Variants in FAF2 observed in about 807,000 individuals in gnomAD.
The protein encoded by FAF2 is Fas associated factor family member 2, also known as FAS-associated factor 2.
FAF2 carries 9 observed loss-of-function variants against 62.3 expected under a neutral mutation model. The ratio of observed to expected loss-of-function variants is 0.14; its 90% CI spans 0.09 to 0.25. The LOEUF (loss-of-function observed/expected upper bound fraction) is 0.25. Ranked by LOEUF, FAF2 falls within the 10% of genes least tolerant of loss-of-function variation. The pLI is 1.00. For missense variants in FAF2, 368 were observed against 556.2 expected (o/e 0.66, Z 3.40); for synonymous variants, 202 against 198.0 (o/e 1.02, Z -0.17).
intron 1 of FAF2, 76 bp downstream of exon 1, chr5:176,448,546 C>T (rs1435602431): frequency 4.3e-6 from 6 of 1,406,520 alleles, no homozygotes; most frequent in East Asian, 5.0e-5. Flanking sequence ...CAGAACCCTC[C>T]TCAGATTGGG....
chr5:176,496,475 CT>C lies in FAF2; in HGVS notation c.662-6del, dbSNP rs1755487708. The C allele has an allele frequency of 1.3e-6, 2 of 1,558,280 alleles. No individual in the cohort carries two copies. The highest frequency in any genetic ancestry group is 1.4e-5 in the African/African-American group (1 of 72,508). ...AAGTCCTGCCCTTGATCTGTTGGGTCTTTTTATCAGTCTCACAGGCTTTACG... is the reference window on the plus strand; with the variant it reads ...AAGTCCTGCCCTTGATCTGTTGGGTCTTTTATCAGTCTCACAGGCTTTACG... On this transcript the variant is annotated splice_polypyrimidine_tract_variant and intron_variant, in intron 7 of 10. Coordinates refer to ENST00000261942, the MANE Select transcript of FAF2 (RefSeq NM_014613.3).
chr5:176,451,884 ATATATATATTTTTTT>A (rs1758189418), intron 1 of FAF2, among the ~76,000 whole-genome samples: 9 of 28,334 alleles, frequency 3.2e-4, no homozygotes, highest in South Asian at 1.3e-3. Flanking sequence ...ACATATATAT[ATATATATATTTTTTT>A]TTTTTTTTTT....
At chr5:176,457,910 C>A (rs889861727) in intron 1 of FAF2, among the ~76,000 whole-genome samples, 7 of 152,162 alleles carry the variant, frequency 4.6e-5, no homozygotes, top group Admixed American at 1.3e-4. Context: ...AAGTCACAGT[C>A]CTTAGTTAAC....
At chr5:176,499,133 C>T in intron 9 of FAF2, 48 bp downstream of exon 9, 1 of 1,493,276 alleles carries the variant, frequency 6.7e-7, no homozygotes, top group Non-Finnish European at 9.0e-7. Flanking sequence ...ACTGCCGAGA[C>T]TTTGCCATCT....
intron 3 of FAF2, among the ~76,000 whole-genome samples, chr5:176,486,851 T>TA (rs1311608967): frequency 1.3e-5 from 2 of 152,232 alleles, no homozygotes; most frequent in African/African-American, 4.8e-5. Context: ...CTTGAAGGGC[T>TA]AGTAGCAAGG....
chr5:176,489,121 T>A (rs1758926205), intron 4 of FAF2, 94 bp downstream of exon 4: 3 of 851,142 alleles, frequency 3.5e-6, no homozygotes, highest in Non-Finnish European at 5.6e-6. Context: ...CAATGTTGAC[T>A]TACCAATTTG....
chr5:176,470,703 G>A (rs1049691231), intron 1 of FAF2, among the ~76,000 whole-genome samples: 2 of 152,222 alleles, frequency 1.3e-5, no homozygotes, highest in Non-Finnish European at 2.9e-5. Flanking sequence ...GAATGCAACT[G>A]TTTACAGACA....
intron 1 of FAF2, among the ~76,000 whole-genome samples, chr5:176,475,782 A>G (rs1037292746): frequency 2.0e-5 from 3 of 152,014 alleles, no homozygotes; most frequent in Non-Finnish European, 4.4e-5. Flanking sequence ...AAAAAAAAAA[A>G]GAATTACTAT....
chr5:176,487,166 G>T (rs972741694), intron 3 of FAF2, among the ~76,000 whole-genome samples: 10 of 152,090 alleles, frequency 6.6e-5, no homozygotes, highest in African/African-American at 2.2e-4. Flanking sequence ...AAGCCTTTTT[G>T]TGGAGTACTT....
chr5:176,480,626 T>G (rs1758771425), intron 2 of FAF2, among the ~76,000 whole-genome samples: 2 of 152,122 alleles, frequency 1.3e-5, no homozygotes, highest in South Asian at 4.2e-4. Context: ...TTGCCCAAGC[T>G]GGTCTTGAAT....
intron 7 of FAF2, among the ~76,000 whole-genome samples, chr5:176,495,338 C>T (rs537697202): frequency 6.6e-6 from 1 of 152,266 alleles, no homozygotes; most frequent in Non-Finnish European, 1.5e-5. Flanking sequence ...CAAATTCCTG[C>T]ATGCGTTTTG....
chr5:176,468,111 G>C (rs1326230824), intron 1 of FAF2, among the ~76,000 whole-genome samples: 1 of 152,190 alleles, frequency 6.6e-6, no homozygotes, highest in Non-Finnish European at 1.5e-5. Context: ...ATTGTGGTGA[G>C]CTGAAATCTT....
At chr5:176,464,205 C>T (rs1470783716) in intron 1 of FAF2, among the ~76,000 whole-genome samples, 1 of 152,252 alleles carries the variant, frequency 6.6e-6, no homozygotes, top group East Asian at 1.9e-4. Context: ...GCCTTGGCCT[C>T]CCAAAGTGTT....
intron 8 of FAF2, 64 bp downstream of exon 8, chr5:176,496,727 G>A: frequency 7.7e-7 from 1 of 1,294,050 alleles, no homozygotes; most frequent in Non-Finnish European, 1.0e-6. Context: ...GCTGACCTCT[G>A]GGGCTCTACC....
At chr5:176,486,639 T>C in intron 3 of FAF2, 150 bp downstream of exon 3, 1 of 710,234 alleles carries the variant, frequency 1.4e-6, no homozygotes, top group Non-Finnish European at 2.2e-6. Flanking sequence ...TTATTTTGCC[T>C]TGATTCCTCA....
chr5:176,500,760 G>A (rs777120705), intron 10 of FAF2, among the ~76,000 whole-genome samples: 1 of 151,812 alleles, frequency 6.6e-6, no homozygotes. Context: ...ATTCTTCCAG[G>A]GTTACTAGAT....
chr5:176,504,417 C>T (rs998698640), intron 10 of FAF2, among the ~76,000 whole-genome samples: 7 of 151,996 alleles, frequency 4.6e-5, no homozygotes, highest in African/African-American at 1.7e-4. Context: ...AACCCCATCT[C>T]TACAAAAAAC....
At chr5:176,501,151 G>T (rs1338212451) in intron 10 of FAF2, among the ~76,000 whole-genome samples, 5 of 151,606 alleles carry the variant, frequency 3.3e-5, no homozygotes, top group Admixed American at 2.0e-4. Flanking sequence ...ATAATAATAG[G>T]CACTCCCTAG....
intron 8 of FAF2, 122 bp downstream of exon 8, chr5:176,496,785 G>A (rs963111159): frequency 3.1e-5 from 21 of 680,362 alleles, no homozygotes; most frequent in Non-Finnish European, 4.3e-5. Context: ...TTTTAGCTTT[G>A]CCCATTTATT....
Sources: gnomAD v4.1 joint callset for allele counts (sites outside exome capture counted in the v4.1 genomes callset) on GRCh38, gnomAD v4.1.1 for gene constraint, MANE v1.5 for transcripts, NCBI Gene and HGNC (gene_info 2026-07-23, HGNC 2026-07-21) for gene names.